The following ATP10D variants were observed in gnomAD, a reference collection of about 807,000 sequenced individuals.
ATP10D encodes ATPase phospholipid transporting 10D (putative).
Under a neutral mutation model 144.8 loss-of-function variants are expected in ATP10D, and 89 were observed. That is an observed-to-expected ratio of 0.61 (90% confidence interval 0.52 to 0.73). The LOEUF is 0.73. ATP10D is among the 30% of genes least tolerant of loss of function. The probability of loss-of-function intolerance (pLI) is 0.00; values close to 1 mark genes in which losing one functional copy is unlikely to be tolerated. For missense variants in ATP10D, 1,603 were observed against 1,714.8 expected (o/e 0.93, Z 1.15); for synonymous variants, 571 against 615.1 (o/e 0.93, Z 1.06).
chr4:47,490,327 A>G (rs932166204), intron 1 of ATP10D, among the ~76,000 whole-genome samples: 1 of 152,188 alleles, frequency 6.6e-6, no homozygotes, highest in African/African-American at 2.4e-5. Flanking sequence ...CTGCCTTGCC[A>G]AGGTCGAAAA....
At chr4:47,565,250 G>A (rs978868421) in intron 15 of ATP10D, among the ~76,000 whole-genome samples, 2 of 152,134 alleles carry the variant, frequency 1.3e-5, no homozygotes, top group African/African-American at 4.8e-5. Context: ...GTGAGCCACC[G>A]CGCCCGGCCT....
intron 1 of ATP10D, among the ~76,000 whole-genome samples, chr4:47,504,176 C>T (rs1353994418): frequency 6.6e-6 from 1 of 152,144 alleles, no homozygotes; most frequent in Non-Finnish European, 1.5e-5. Context: ...ACAGTTTTCC[C>T]ACAAAATAAA....
intron 7 of ATP10D, among the ~76,000 whole-genome samples, 170 bp from the exon 8 acceptor site, chr4:47,536,261 AAGAGAG>A (rs111273743): frequency 6.7e-6 from 1 of 150,098 alleles, no homozygotes; most frequent in Non-Finnish European, 1.5e-5. Flanking sequence ...GACTTAAAGA[AAGAGAG>A]AGAGAGAGAG....
intron 11 of ATP10D, 77 bp from the exon 12 acceptor site, chr4:47,557,587 T>G: frequency 1.4e-6 from 2 of 1,398,068 alleles, no homozygotes; most frequent in Non-Finnish European, 1.9e-6. Context: ...TATATCTAAT[T>G]TATTTCCAGT....
chr4:47,551,783 A>G (rs987773518), intron 10 of ATP10D, among the ~76,000 whole-genome samples: 2 of 152,218 alleles, frequency 1.3e-5, no homozygotes, highest in African/African-American at 4.8e-5. Flanking sequence ...CACTGACAAG[A>G]GAGCAAAAGC....
In ATP10D at chr4:47,557,680, T is replaced by G; in HGVS notation, c.1841T>G (p.Leu614Arg). 2.5e-6 allele frequency: 4 copies of G among 1,609,698 alleles called. No individual in the cohort carries two copies. Among genetic ancestry groups the G allele is most frequent in the Non-Finnish European group, 3.4e-6 (4 of 1,176,502 alleles). Residue 614 changes from leucine (L) to arginine (R), a missense_variant, in exon 12 of 23, where the codon CTG (leucine) becomes CGG (arginine). Coordinates refer to ENST00000273859, the MANE Select transcript of ATP10D (RefSeq NM_020453.4). ...CTTTCATAGATCAGACACCCTTCAC[T>G]GGGGGGGTTGCCCATTAAGTCTTTG... is the stretch of plus-strand genomic sequence containing the variant. ...QPRQKIRHPS[L>R]GGLPIKSLEE...
At chr4:47,563,889 G>A in intron 15 of ATP10D, 124 bp downstream of exon 15, 1 of 1,035,736 alleles carries the variant, frequency 9.7e-7, no homozygotes, top group Non-Finnish European at 1.3e-6. Flanking sequence ...TTTGTTGTTT[G>A]TTTGTTTGTT....
At chr4:47,510,527 G>A (rs975693980) in intron 1 of ATP10D, among the ~76,000 whole-genome samples, 3 of 152,156 alleles carry the variant, frequency 2.0e-5, no homozygotes, top group Admixed American at 2.0e-4. Context: ...CAGTCGTTAT[G>A]GGCTTGTTTC....
At chr4:47,523,266 G>T (rs1201752278) in intron 4 of ATP10D, 50 bp downstream of exon 4, 1 of 1,426,024 alleles carries the variant, frequency 7.0e-7, no homozygotes, top group Non-Finnish European at 9.9e-7. Flanking sequence ...TTTTTCAGAA[G>T]ATGACTGAGC....
At chr4:47,528,684 G>T (rs763039659) in intron 5 of ATP10D, among the ~76,000 whole-genome samples, 1 of 152,060 alleles carries the variant, frequency 6.6e-6, no homozygotes, top group Non-Finnish European at 1.5e-5. Flanking sequence ...TAGTGGGATT[G>T]CTGGGACAAA....
chr4:47,536,581 C>G lies in ATP10D; in HGVS notation c.1143+17C>G, dbSNP rs369652149. The G allele has an allele frequency of 3.7e-6, 6 of 1,609,922 alleles. No homozygotes were observed. In the African/African-American group the frequency reaches 8.0e-5, roughly 22 times the overall value. On this transcript the variant is annotated intron_variant, in intron 8 of 22. Coordinates refer to ENST00000273859, the MANE Select transcript of ATP10D (RefSeq NM_020453.4). ...TTGTTACAGGTAATTTTTTATCAAG[C>G]TTATGGTAGAATTTTAACATCTTTG... is the stretch of plus-strand genomic sequence containing the variant.
intron 10 of ATP10D, among the ~76,000 whole-genome samples, chr4:47,550,821 G>T (rs181487435): frequency 9.2e-5 from 14 of 152,218 alleles, no homozygotes; most frequent in South Asian, 4.1e-4. Flanking sequence ...AGATCCGCAG[G>T]GGTGGAAGTC....
chr4:47,508,417 G>A (rs1716137530), intron 1 of ATP10D, among the ~76,000 whole-genome samples: 1 of 152,210 alleles, frequency 6.6e-6, no homozygotes, highest in African/African-American at 2.4e-5. Flanking sequence ...CACTTAAACA[G>A]GAGAGTGGGG....
chr4:47,493,335 G>A (rs1472463614), intron 1 of ATP10D, among the ~76,000 whole-genome samples: 1 of 152,148 alleles, frequency 6.6e-6, no homozygotes, highest in African/African-American at 2.4e-5. Context: ...AGTTTATGAT[G>A]ATGCAAAAGA....
At chr4:47,514,784 G>C (rs577681972) in intron 2 of ATP10D, among the ~76,000 whole-genome samples, 1 of 152,136 alleles carries the variant, frequency 6.6e-6, no homozygotes, top group African/African-American at 2.4e-5. Context: ...TGTACAAAAG[G>C]CTAGAGGGTT....
At chr4:47,573,705 G>T (rs1017837915) in intron 18 of ATP10D, among the ~76,000 whole-genome samples, 6 of 152,116 alleles carry the variant, frequency 3.9e-5, no homozygotes, top group South Asian at 2.1e-4. Flanking sequence ...TAAATATCAT[G>T]AATTTTAGGC....
chr4:47,501,301 T>A (rs1198780204), intron 1 of ATP10D, among the ~76,000 whole-genome samples: 1 of 152,190 alleles, frequency 6.6e-6, no homozygotes, highest in Non-Finnish European at 1.5e-5. Flanking sequence ...TTGCATGTAT[T>A]GAATTATAGT....
chr4:47,539,856 C>T (rs989480060), intron 9 of ATP10D, among the ~76,000 whole-genome samples: 3 of 152,192 alleles, frequency 2.0e-5, no homozygotes, highest in African/African-American at 4.8e-5. Flanking sequence ...AGCCCTCCTC[C>T]ACTCTAGTCA....
rs758198011 is a variant in ATP10D at position 47,561,057 on chromosome 4, A to G, written c.2650A>G (p.Asn884Asp). 1 of 1,614,208 alleles carries G rather than the reference A, an allele frequency of 6.2e-7. No homozygotes were observed. The highest frequency in any genetic ancestry group is 8.5e-7 in the Non-Finnish European group (1 of 1,180,022). ...ACTTGAATCTGCCATGAGGTTGGAG[A>G]ACAAACTTACATTACTTGGTAGGTG... is the stretch of plus-strand genomic sequence containing the variant. ...LLLESAMRLE[N>D]KLTLLGATGI... is the part of the protein sequence containing the mutation. Residue 884 changes from asparagine (N) to aspartate (D), a missense_variant, in exon 14 of 23, where the codon AAC (asparagine) becomes GAC (aspartate). Asn to Asp is a conservative substitution (Grantham distance 23, BLOSUM62 1). Coordinates refer to ENST00000273859, the MANE Select transcript of ATP10D (RefSeq NM_020453.4).
Sources: gnomAD v4.1 joint callset for allele counts (sites outside exome capture counted in the v4.1 genomes callset) on GRCh38, gnomAD v4.1.1 for gene constraint, MANE v1.5 for transcripts, NCBI Gene and HGNC (gene_info 2026-07-23, HGNC 2026-07-21) for gene names.